The following PPP1R9A variants were observed in gnomAD, a reference collection of about 807,000 sequenced individuals.
The protein encoded by PPP1R9A is protein phosphatase 1 regulatory subunit 9A.
Under a neutral mutation model 141.9 loss-of-function variants are expected in PPP1R9A, and 59 were observed. The observed-to-expected ratio is 0.42, with a 90% confidence interval of 0.34 to 0.52. The LOEUF (loss-of-function observed/expected upper bound fraction) is 0.52, where lower values mean the gene tolerates loss of function less well. Ranked by LOEUF, PPP1R9A falls within the 20% of genes least tolerant of loss-of-function variation. The pLI is 0.10. For missense variants in PPP1R9A, 1,444 were observed against 1,611.9 expected, an observed-to-expected ratio of 0.90 and a Z score of 1.78; for synonymous variants, 500 against 569.7, an observed-to-expected ratio of 0.88 and a Z score of 1.74.
chr7:95,228,625 C>A (rs1050869395), intron 8 of PPP1R9A, among the ~76,000 whole-genome samples: 1 of 152,118 alleles, frequency 6.6e-6, no homozygotes, highest in African/African-American at 2.4e-5. Context: ...ATCATTCCAA[C>A]TTTTCAAAAA....
chr7:95,202,444 T>C (rs532869189), intron 6 of PPP1R9A: 4 of 195,140 alleles, frequency 2.0e-5, no homozygotes, highest in African/African-American at 4.7e-5. Context: ...ATTTGAACAA[T>C]TGAAAAATTT....
At chr7:95,251,393 T>TTAC (rs1445901511) in intron 10 of PPP1R9A, among the ~76,000 whole-genome samples, 1 of 152,174 alleles carries the variant, frequency 6.6e-6, no homozygotes, top group African/African-American at 2.4e-5. Flanking sequence ...TTACATCAGT[T>TTAC]TACTATACTA....
intron 5 of PPP1R9A, among the ~76,000 whole-genome samples, chr7:95,194,270 A>G (rs1475585102): frequency 6.6e-6 from 1 of 152,092 alleles, no homozygotes; most frequent in African/African-American, 2.4e-5. Flanking sequence ...TTATATGTCT[A>G]TGGATTCTTT....
In PPP1R9A at chr7:95,293,903, G is replaced by T. The variant is rs1488084356; in HGVS notation, c.*3600G>T. 2 of 152,222 alleles carry T rather than the reference G, an allele frequency of 1.3e-5. No homozygotes were observed. Among genetic ancestry groups the T allele is most frequent in the African/African-American group, 4.8e-5 (2 of 41,456 alleles). 9.4% of individuals were successfully genotyped at this position (152,222 alleles called of 1,614,324 possible). A position where few individuals can be genotyped will look rare whatever the true frequency, so the allele number is the denominator to read the frequency against. ...AGACTAAACTTCAAGAGGAGATCCAGTGTTTAACAATAGTGTTCTAGAGGA... is the reference window on the plus strand; with the variant it reads ...AGACTAAACTTCAAGAGGAGATCCATTGTTTAACAATAGTGTTCTAGAGGA... On this transcript the variant is annotated 3_prime_UTR_variant, in exon 20 of 20. Transcript: ENST00000433360.
At chr7:95,223,164 G>A (rs1264290399) in intron 7 of PPP1R9A, among the ~76,000 whole-genome samples, 1 of 152,020 alleles carries the variant, frequency 6.6e-6, no homozygotes, top group Non-Finnish European at 1.5e-5. Flanking sequence ...GAGAAAGAAG[G>A]CATTAGTAAA....
At chr7:95,274,787 G>A (rs1471134517) in intron 16 of PPP1R9A, among the ~76,000 whole-genome samples, 1 of 152,212 alleles carries the variant, frequency 6.6e-6, no homozygotes, top group Admixed American at 6.5e-5. Context: ...TAGGGAGTCA[G>A]TAAAGCATCA....
At chr7:95,000,336 T>A (rs1391147504) in intron 2 of PPP1R9A, among the ~76,000 whole-genome samples, 1 of 152,208 alleles carries the variant, frequency 6.6e-6, no homozygotes, top group Non-Finnish European at 1.5e-5. Flanking sequence ...TGTTCTTTCA[T>A]GGCTGTTGAT....
intron 2 of PPP1R9A, among the ~76,000 whole-genome samples, chr7:95,008,220 G>C (rs959980299): frequency 6.6e-6 from 1 of 152,114 alleles, no homozygotes; most frequent in Non-Finnish European, 1.5e-5. Flanking sequence ...GATGCCTTTG[G>C]TGGGTTGTAG....
chr7:95,014,262 T>C (rs1477888112), intron 2 of PPP1R9A, among the ~76,000 whole-genome samples: 11 of 152,102 alleles, frequency 7.2e-5, no homozygotes, highest in Non-Finnish European at 1.3e-4. Flanking sequence ...ATTAATTACA[T>C]TTAGACATCA....
At chr7:95,187,030 G>A (rs1368557643) in intron 5 of PPP1R9A, among the ~76,000 whole-genome samples, 1 of 152,070 alleles carries the variant, frequency 6.6e-6, no homozygotes, top group African/African-American at 2.4e-5. Context: ...TTTATATGAT[G>A]ATTTAGGGAG....
At chr7:95,182,203 G>A (rs1440269658) in intron 5 of PPP1R9A, among the ~76,000 whole-genome samples, 2 of 151,816 alleles carry the variant, frequency 1.3e-5, no homozygotes, top group East Asian at 3.9e-4. Flanking sequence ...TAGGCTAGGT[G>A]CAGTGACTCA....
intron 4 of PPP1R9A, among the ~76,000 whole-genome samples, chr7:95,152,498 G>A (rs139047844): frequency 2.2e-4 from 34 of 152,082 alleles, no homozygotes; most frequent in African/African-American, 8.0e-4. Flanking sequence ...ATAAATCAAG[G>A]CAAATAAAAA....
At chr7:95,224,099 C>G (rs531723730) in intron 7 of PPP1R9A, among the ~76,000 whole-genome samples, 17 of 152,142 alleles carry the variant, frequency 1.1e-4, no homozygotes, top group African/African-American at 3.4e-4. Flanking sequence ...CCAACCAGCT[C>G]CCATTCTTCA....
intron 5 of PPP1R9A, among the ~76,000 whole-genome samples, chr7:95,178,943 G>T (rs994756652): frequency 5.9e-5 from 9 of 152,078 alleles, no homozygotes; most frequent in African/African-American, 2.2e-4. Context: ...AATTCTATCA[G>T]ACATTCAAAG....
chr7:94,928,427 A>C (rs1371462418), intron 2 of PPP1R9A, among the ~76,000 whole-genome samples: 1 of 152,186 alleles, frequency 6.6e-6, no homozygotes, highest in Admixed American at 6.6e-5. Flanking sequence ...AGGGTGGAGA[A>C]GATCCATTGG....
chr7:95,099,948 TAATA>T lies in PPP1R9A; in HGVS notation c.1396-11308_1396-11305del, dbSNP rs542052890. Among the ~76,000 whole-genome samples the T allele has an allele frequency of 3.8e-3, 582 of 152,290 alleles. 2 individuals carry two copies. Among genetic ancestry groups the T allele is most frequent in the Non-Finnish European group, 6.1e-3 (415 of 68,020 alleles). ...ATTAATATTTCTATATGTGTGACCT[TAATA>T]AAACTCTGCTTATCTTGAAATATTA... On this transcript the variant is annotated intron_variant, in intron 2 of 19. Transcript: ENST00000433360.
intron 2 of PPP1R9A, among the ~76,000 whole-genome samples, chr7:95,025,313 C>T (rs1375761772): frequency 2.0e-5 from 3 of 152,090 alleles, no homozygotes; most frequent in Non-Finnish European, 2.9e-5. Flanking sequence ...GATCCACCCT[C>T]CTCAGCCTCC....
chr7:95,070,497 T>G (rs1813607594), intron 2 of PPP1R9A, among the ~76,000 whole-genome samples: 1 of 151,440 alleles, frequency 6.6e-6, no homozygotes, highest in East Asian at 1.9e-4. Context: ...ATAAACAGCT[T>G]TTTTTGTTTG....
intron 2 of PPP1R9A, among the ~76,000 whole-genome samples, chr7:95,089,482 A>C (rs1817047851): frequency 6.6e-6 from 1 of 152,032 alleles, no homozygotes; most frequent in Non-Finnish European, 1.5e-5. Context: ...CTTGAATCTA[A>C]AATAAGATTA....
Sources: gnomAD v4.1 joint callset for allele counts (sites outside exome capture counted in the v4.1 genomes callset) on GRCh38, gnomAD v4.1.1 for gene constraint, MANE v1.5 for transcripts, NCBI Gene and HGNC (gene_info 2026-07-23, HGNC 2026-07-21) for gene names.